Variants in TBC1D4 observed in about 807,000 individuals in gnomAD.
TBC1D4 encodes the protein TBC (Tre-2, BUB2, CDC16) domain-containing protein.
TBC1D4 carries 121 observed loss-of-function variants against 142.5 expected under a neutral mutation model. The observed-to-expected ratio is 0.85, with a 90% CI of 0.73 to 0.99. TBC1D4 has a LOEUF of 0.99. Among genes scored for constraint, TBC1D4 ranks in the 50% least tolerant of loss-of-function variants. TBC1D4 has a pLI of 0.00. For missense variants in TBC1D4, 1,475 were observed against 1,606.6 expected (o/e 0.92, Z 1.40); for synonymous variants, 630 against 628.2 (o/e 1.00, Z -0.04).
chr13:75,417,847 A>T (rs1018232570), intron 1 of TBC1D4, among the ~76,000 whole-genome samples: 2 of 152,188 alleles, frequency 1.3e-5, no homozygotes, highest in African/African-American at 4.8e-5. Flanking sequence ...TAAGCTTGGA[A>T]ATCTGACAGT....
At chr13:75,471,207 T>G (rs73221962) in intron 1 of TBC1D4, among the ~76,000 whole-genome samples, 10,085 of 152,150 alleles carry the variant, frequency 0.066, 383 homozygotes, top group Admixed American at 0.11. Context: ...AAACGTGATA[T>G]GCCAATTAAC....
At chr13:75,478,962 C>T (rs1362246622) in intron 1 of TBC1D4, among the ~76,000 whole-genome samples, 1 of 152,180 alleles carries the variant, frequency 6.6e-6, no homozygotes, top group Admixed American at 6.5e-5. Flanking sequence ...TAAATGTTTA[C>T]AATATTTGCC....
intron 1 of TBC1D4, among the ~76,000 whole-genome samples, chr13:75,430,165 A>G (rs1176969666): frequency 6.6e-6 from 1 of 152,222 alleles, no homozygotes. Flanking sequence ...CAATATCTGT[A>G]GCTACATCTC....
intron 8 of TBC1D4, among the ~76,000 whole-genome samples, chr13:75,331,191 C>A (rs1879712118): frequency 6.6e-6 from 1 of 152,074 alleles, no homozygotes; most frequent in Admixed American, 6.6e-5. Context: ...AAATAACTTG[C>A]ACTTTATATT....
At chr13:75,397,526 G>A (rs1244672720) in intron 1 of TBC1D4, among the ~76,000 whole-genome samples, 1 of 152,206 alleles carries the variant, frequency 6.6e-6, no homozygotes, top group African/African-American at 2.4e-5. Context: ...ATTATATTGT[G>A]TGGAGACGGC....
At chr13:75,456,986 A>G (rs1315842820) in intron 1 of TBC1D4, among the ~76,000 whole-genome samples, 39 of 152,114 alleles carry the variant, frequency 2.6e-4, no homozygotes, top group Non-Finnish European at 2.9e-5. Flanking sequence ...CACCAGGAAT[A>G]TACCTTTCAG....
At chr13:75,386,742 C>T (rs1385935006) in intron 1 of TBC1D4, among the ~76,000 whole-genome samples, 2 of 152,128 alleles carry the variant, frequency 1.3e-5, no homozygotes, top group Non-Finnish European at 2.9e-5. Context: ...AAAAAAAACA[C>T]TCATCCAGAG....
chr13:75,427,629 CCTT>C (rs1886432118), intron 1 of TBC1D4, among the ~76,000 whole-genome samples: 1 of 152,226 alleles, frequency 6.6e-6, no homozygotes, highest in South Asian at 2.1e-4. Context: ...GAAGCTGGCT[CCTT>C]CTGTATTTAG....
In TBC1D4 at chr13:75,481,815, G is replaced by GC. The variant is rs1168286434; in HGVS notation, c.-49dup. On this transcript the variant is annotated 5_prime_UTR_variant, in exon 1 of 21. Coordinates refer to ENST00000377636, the MANE Select transcript of TBC1D4 (RefSeq NM_014832.5). The stretch of plus-strand genomic sequence containing the variant: ...CGCGGAGGCCGGCCGGGCGCACCGC[G>GC]CCCCCCACTCCCGCGCAGAAGGCGC... 2.8e-6 allele frequency: 4 copies of GC among 1,450,086 alleles called. No individual in the cohort carries two copies. The Admixed American group carries it at 1.2e-4, about 43-fold the overall frequency. 89.8% of individuals were successfully genotyped at this position (1,450,086 alleles called of 1,614,324 possible). A position where few individuals can be genotyped will look rare whatever the true frequency, so the allele number is the denominator to read the frequency against.
At chr13:75,459,179 C>T (rs1253158262) in intron 1 of TBC1D4, among the ~76,000 whole-genome samples, 2 of 152,188 alleles carry the variant, frequency 1.3e-5, no homozygotes, top group Non-Finnish European at 2.9e-5. Context: ...CAGCCTAGGG[C>T]AAGCAATGCC....
intron 4 of TBC1D4, among the ~76,000 whole-genome samples, chr13:75,351,428 A>G (rs1406607431): frequency 6.6e-6 from 1 of 151,402 alleles, no homozygotes; most frequent in Admixed American, 6.6e-5. Context: ...TAATTTTATT[A>G]TTATTATACT....
At chr13:75,328,152 A>G (rs533176572) in intron 8 of TBC1D4, among the ~76,000 whole-genome samples, 17 of 152,356 alleles carry the variant, frequency 1.1e-4, no homozygotes, top group African/African-American at 4.1e-4. Context: ...TCAAATATGG[A>G]AGATACAGCA....
Position 75,481,567 on chromosome 13 carries a change from C to T in TBC1D4, c.201G>A (p.Gln67=), listed in dbSNP as rs753633166. The T allele has an allele frequency of 4.4e-6, 7 of 1,599,598 alleles. No individual in the cohort carries two copies. Among genetic ancestry groups the T allele is most frequent in the Non-Finnish European group, 3.4e-6 (4 of 1,173,378 alleles). Residue 67 remains glutamine (Q), a synonymous_variant, in exon 1 of 21, where the codon CAG becomes CAA. Coordinates refer to ENST00000377636, the MANE Select transcript of TBC1D4 (RefSeq NM_014832.5). ...CCCCGCAGCCGCCCGCCTCGGGCTT[C>T]TGGCTGCGCCTGCGGATCTCGGCCA... ...WLMAEIRRRS[Q]KPEAGGCGAP...
chr13:75,343,310 A>G (rs1197554006), intron 5 of TBC1D4, among the ~76,000 whole-genome samples: 1 of 152,222 alleles, frequency 6.6e-6, no homozygotes, highest in African/African-American at 2.4e-5. Context: ...CAGTACTGCC[A>G]TACTGCAGCC....
At position 75,397,065 on chromosome 13, in the gene TBC1D4, G is replaced by C. The variant is rs1330146542; in HGVS notation, c.499-34458C>G. On this transcript the variant is annotated intron_variant, in intron 1 of 20. Transcript: ENST00000377636. The stretch of plus-strand genomic sequence containing the variant: ...GAGGGCCCTAGCTGAGGAGGATCTA[G>C]GAAATGAATGGATTTCACAGGTTAA... 2.6e-5 allele frequency among the ~76,000 whole-genome samples: 4 copies of C among 152,058 alleles called. No individual in the cohort carries two copies. In the South Asian group the frequency reaches 8.3e-4, roughly 31 times the overall value.
intron 1 of TBC1D4, among the ~76,000 whole-genome samples, chr13:75,365,432 A>G (rs373796446): frequency 1.3e-5 from 2 of 152,056 alleles, no homozygotes; most frequent in African/African-American, 4.8e-5. Context: ...GAAGGGGCAC[A>G]CTGCTCATAT....
At chr13:75,352,505 A>G (rs1367240264) in intron 4 of TBC1D4, among the ~76,000 whole-genome samples, 4 of 152,052 alleles carry the variant, frequency 2.6e-5, no homozygotes, top group Non-Finnish European at 5.9e-5. Flanking sequence ...AAACTCTTTA[A>G]ACCTATTTTA....
At chr13:75,481,088 C>T (rs750996826) in intron 1 of TBC1D4, among the ~76,000 whole-genome samples, 182 bp downstream of exon 1, 15 of 152,232 alleles carry the variant, frequency 9.9e-5, no homozygotes, top group Admixed American at 3.3e-4. Flanking sequence ...CCCCGAACGC[C>T]TTCTCTCCCA....
intron 2 of TBC1D4, among the ~76,000 whole-genome samples, 167 bp from the exon 3 acceptor site, chr13:75,360,025 T>G (rs1882370740): frequency 6.6e-6 from 1 of 152,172 alleles, no homozygotes; most frequent in Non-Finnish European, 1.5e-5. Context: ...ACCCCAAATA[T>G]CAGCTGCCTC....
Sources: gnomAD v4.1 joint callset for allele counts (sites outside exome capture counted in the v4.1 genomes callset) on GRCh38, gnomAD v4.1.1 for gene constraint, MANE v1.5 for transcripts, NCBI Gene and HGNC (gene_info 2026-07-23, HGNC 2026-07-21) for gene names.